The following FAM171B variants were observed in gnomAD, a reference collection of about 807,000 sequenced individuals.
FAM171B encodes family with sequence similarity 171 member B.
A neutral mutation model predicts 75.6 loss-of-function variants in FAM171B; 19 were observed. The observed-to-expected ratio is 0.25, with a 90% CI of 0.18 to 0.37. FAM171B has a LOEUF of 0.37. Among genes scored for constraint, FAM171B ranks in the 10% least tolerant of loss-of-function variants. The pLI is 1.00. For missense variants in FAM171B, 848 were observed against 982.4 expected (o/e 0.86, Z 1.83); for synonymous variants, 367 against 361.7 (o/e 1.01, Z -0.17).
intron 7 of FAM171B, 58 bp downstream of exon 7, chr2:186,761,294 T>C (rs1690611351): frequency 4.5e-6 from 7 of 1,559,520 alleles, no homozygotes; most frequent in African/African-American, 1.4e-5. Flanking sequence ...TTTCAGTATA[T>C]TCTGTACATT....
chr2:186,701,377 C>G (rs1037850535), intron 1 of FAM171B, among the ~76,000 whole-genome samples: 2 of 152,152 alleles, frequency 1.3e-5, no homozygotes, highest in South Asian at 2.1e-4. Context: ...AAAACCTACT[C>G]TCACCAAATT....
intron 2 of FAM171B, 64 bp downstream of exon 2, chr2:186,740,525 T>G (rs1244095934): frequency 7.4e-7 from 1 of 1,352,882 alleles, no homozygotes; most frequent in Non-Finnish European, 1.0e-6. Flanking sequence ...ATTTTCTCTG[T>G]TTGGGGGATA....
intron 1 of FAM171B, among the ~76,000 whole-genome samples, chr2:186,715,352 G>A (rs891463406): frequency 3.3e-5 from 5 of 152,042 alleles, no homozygotes; most frequent in Admixed American, 1.3e-4. Context: ...ACAGGCACAC[G>A]CCACCATGCC....
intron 1 of FAM171B, among the ~76,000 whole-genome samples, chr2:186,736,225 G>C (rs139468392): frequency 5.3e-5 from 8 of 152,132 alleles, no homozygotes; most frequent in Admixed American, 5.2e-4. Flanking sequence ...TTTTAAGAGA[G>C]TAACCAGGCA....
At chr2:186,713,775 G>A (rs1689839400) in intron 1 of FAM171B, among the ~76,000 whole-genome samples, 1 of 152,134 alleles carries the variant, frequency 6.6e-6, no homozygotes, top group Non-Finnish European at 1.5e-5. Context: ...ATTACCTAAA[G>A]CAAGAAAGCA....
intron 1 of FAM171B, among the ~76,000 whole-genome samples, chr2:186,716,695 CAAAG>C (rs1689879955): frequency 2.0e-5 from 3 of 152,114 alleles, no homozygotes; most frequent in African/African-American, 4.8e-5. Context: ...AGGGTTCAGA[CAAAG>C]AAATGGAATT....
At chr2:186,726,913 G>A (rs1406932779) in intron 1 of FAM171B, among the ~76,000 whole-genome samples, 1 of 152,126 alleles carries the variant, frequency 6.6e-6, no homozygotes, top group African/African-American at 2.4e-5. Flanking sequence ...CAATACTGGG[G>A]CTGGAGAGCT....
intron 1 of FAM171B, among the ~76,000 whole-genome samples, chr2:186,699,210 T>C (rs1689622074): frequency 6.6e-6 from 1 of 152,160 alleles, no homozygotes; most frequent in African/African-American, 2.4e-5. Flanking sequence ...CCTACTGTTC[T>C]CCATAGTGGT....
intron 1 of FAM171B, among the ~76,000 whole-genome samples, chr2:186,718,843 C>T (rs1689909867): frequency 6.6e-6 from 1 of 152,130 alleles, no homozygotes; most frequent in South Asian, 2.1e-4. Flanking sequence ...ATGTGTATTG[C>T]ACATGTGTTG....
chr2:186,718,439 C>G (rs979724301), intron 1 of FAM171B, among the ~76,000 whole-genome samples: 5 of 152,152 alleles, frequency 3.3e-5, no homozygotes, highest in African/African-American at 1.2e-4. Flanking sequence ...TGACTCAACT[C>G]TAGGTTTTCA....
chr2:186,725,306 T>C (rs1469997772), intron 1 of FAM171B, among the ~76,000 whole-genome samples: 1 of 149,366 alleles, frequency 6.7e-6, no homozygotes, highest in Non-Finnish European at 1.5e-5. Context: ...ACCACGCCAC[T>C]GCACTCCAAC....
intron 1 of FAM171B, 127 bp from the exon 2 acceptor site, chr2:186,740,101 T>C (rs1690265249): frequency 1.6e-6 from 1 of 626,296 alleles, no homozygotes; most frequent in African/African-American, 1.8e-5. Flanking sequence ...TATATGTATT[T>C]ATGTGTAGTT....
intron 1 of FAM171B, among the ~76,000 whole-genome samples, chr2:186,736,466 C>A (rs1371401021): frequency 6.6e-6 from 1 of 151,000 alleles, no homozygotes; most frequent in Non-Finnish European, 1.5e-5. Flanking sequence ...TGGCTTATTA[C>A]CCTCAGCACA....
chr2:186,703,838 A>G (rs185374389), intron 1 of FAM171B, among the ~76,000 whole-genome samples: 165 of 152,242 alleles, frequency 1.1e-3, no homozygotes, highest in Non-Finnish European at 1.8e-3. Flanking sequence ...TACCAGAAAA[A>G]TATCCATTTA....
intron 1 of FAM171B, among the ~76,000 whole-genome samples, chr2:186,718,616 G>T (rs1006237607): frequency 6.6e-6 from 1 of 152,040 alleles, no homozygotes; most frequent in Admixed American, 6.6e-5. Flanking sequence ...TGAAATTGGG[G>T]AATATTAAAT....
chr2:186,701,775 G>C (rs1192597911), intron 1 of FAM171B, among the ~76,000 whole-genome samples: 1 of 152,150 alleles, frequency 6.6e-6, no homozygotes, highest in Non-Finnish European at 1.5e-5. Context: ...TTTAGTAGCA[G>C]TTTTATAGTG....
rs1690659887 is a variant in FAM171B, at chr2:186,763,796, G to A, written c.*973G>A. ...AATATGTGCAGATAAAATATACATT[G>A]ATTTGTTTTTCTTAAATGTTGATGA... On this transcript the variant is annotated 3_prime_UTR_variant, in exon 8 of 8. Coordinates refer to ENST00000304698, the MANE Select transcript of FAM171B (RefSeq NM_177454.4). 1 of 151,992 alleles carries A rather than the reference G, an allele frequency of 6.6e-6. No individual in the cohort carries two copies. Among genetic ancestry groups the A allele is most frequent in the Non-Finnish European group, 1.5e-5 (1 of 67,930 alleles). The allele number at this position is 151,992 out of a possible 1,614,324, so 9.4% of individuals were successfully genotyped here. A position where few individuals can be genotyped will look rare whatever the true frequency, so the allele number is the denominator to read the frequency against.
At chr2:186,761,299 T>A in intron 7 of FAM171B, 63 bp downstream of exon 7, 1 of 1,554,334 alleles carries the variant, frequency 6.4e-7, no homozygotes, top group Non-Finnish European at 8.6e-7. Flanking sequence ...GTATATTCTG[T>A]ACATTGAAAA....
intron 4 of FAM171B, 38 bp from the exon 5 acceptor site, chr2:186,751,096 G>A: frequency 4.0e-6 from 6 of 1,498,478 alleles, no homozygotes; most frequent in African/African-American, 1.4e-5. Flanking sequence ...TACCACCTCT[G>A]TTTACATATG....
Sources: allele counts gnomAD v4.1 joint callset (sites outside exome capture counted in the v4.1 genomes callset), GRCh38; gene constraint gnomAD v4.1.1; transcripts MANE v1.5; gene names NCBI Gene and HGNC (gene_info 2026-07-23, HGNC 2026-07-21).